ZNF18: variants seen among roughly 807,000 people sequenced by gnomAD.
The protein encoded by ZNF18 is heart development-specific gene 1 protein.
ZNF18 carries 42 observed loss-of-function variants against 58.1 expected under a neutral mutation model. That is an observed-to-expected ratio of 0.72 (90% CI 0.56 to 0.93). ZNF18 has a LOEUF of 0.93. Ranked by LOEUF, ZNF18 falls within the 40% of genes least tolerant of loss-of-function variation. The pLI is 0.00. For synonymous variants in ZNF18, 231 were observed against 239.8 expected, an observed-to-expected ratio of 0.96 and a Z score of 0.34; for missense variants, 540 against 644.2, an observed-to-expected ratio of 0.84 and a Z score of 1.75.
the ZNF18 span, chr17:12,021,292 C>T: frequency 1.4e-5 from 3 of 211,796 alleles, no homozygotes; most frequent in East Asian, 9.8e-5. Context: ...GGACCGCCCC[C>T]GCGGCCGTCC....
At chr17:12,014,979 C>CAG in the ZNF18 span, among the ~76,000 whole-genome samples, 1 of 151,896 alleles carries the variant, frequency 6.6e-6, no homozygotes, top group Non-Finnish European at 1.5e-5. Context: ...ACCCGGAAGG[C>CAG]AGAGCTTGCA....
chr17:12,021,166 C>T, the ZNF18 span, among the ~76,000 whole-genome samples: 1 of 151,644 alleles, frequency 6.6e-6, no homozygotes, highest in African/African-American at 2.4e-5. Context: ...CGGCCGCCTC[C>T]GGCCCGGCTT....
chr17:12,020,912 G>C, the ZNF18 span: 2 of 1,217,202 alleles, frequency 1.6e-6, no homozygotes. Flanking sequence ...CCGAGCGGCG[G>C]CGGCGGCTCC....
chr17:11,984,115 C>T lies in ZNF18; in HGVS notation c.749G>A (p.Gly250Glu), dbSNP rs756229785. ...ATCAGACTAACCCACACCCTCACCT[C>T]CTGAGACCATTTTCCCATAGGTCTC... ...MLETYGKMVS[G>E]AGISHPKSDL... is the part of the protein sequence containing the mutation. Residue 250 changes from glycine to glutamate, a missense_variant and splice_region_variant, in exon 5 of 7, where the codon GGA becomes GAA. Physicochemically the swap from Gly to Glu is moderately conservative, Grantham distance 98 (BLOSUM62 -2). Coordinates refer to ENST00000580306, the MANE Select transcript of ZNF18 (RefSeq NM_001303281.2). 3 of 1,612,828 alleles carry T rather than the reference C, an allele frequency of 1.9e-6. No homozygotes were observed. The African/African-American group carries it at 4.0e-5, about 22-fold the overall frequency.
chr17:12,000,461 C>T (rs769252513), upstream of ZNF18, among the ~76,000 whole-genome samples: 2 of 152,106 alleles, frequency 1.3e-5, no homozygotes, highest in Non-Finnish European at 2.9e-5. Context: ...GTAATCCTAG[C>T]ACTTTGGGAG....
At chr17:12,001,534 T>C (rs962707463), upstream of ZNF18, among the ~76,000 whole-genome samples, 4 of 151,798 alleles carry the variant, frequency 2.6e-5, no homozygotes, top group African/African-American at 9.7e-5. Flanking sequence ...GAGGCTGAGG[T>C]AGGAGAATGG....
chr17:11,998,152 A>AT (rs1429868866), upstream of ZNF18, among the ~76,000 whole-genome samples: 1 of 151,436 alleles, frequency 6.6e-6, no homozygotes, highest in Non-Finnish European at 1.5e-5. Context: ...ATTTGACCTC[A>AT]TTGTCTCTCA....
chr17:12,012,347 T>G, the ZNF18 span, among the ~76,000 whole-genome samples: 1 of 152,234 alleles, frequency 6.6e-6, no homozygotes, highest in African/African-American at 2.4e-5. Context: ...ATTCGCTCCA[T>G]GTTTATTCAG....
chr17:12,006,679 A>T, the ZNF18 span, among the ~76,000 whole-genome samples: 1 of 152,132 alleles, frequency 6.6e-6, no homozygotes, highest in Non-Finnish European at 1.5e-5. Flanking sequence ...TAAGCCTTGG[A>T]GGTTGAGGTT....
chr17:11,990,221 C>T (rs1310690442), intron 4 of ZNF18, among the ~76,000 whole-genome samples: 5 of 151,882 alleles, frequency 3.3e-5, no homozygotes. Context: ...TGAGAATACA[C>T]TGAAATAAGC....
the ZNF18 span, chr17:12,021,012 C>T: frequency 1.7e-6 from 2 of 1,203,096 alleles, no homozygotes; most frequent in South Asian, 4.2e-5. Flanking sequence ...GTAAGGAACG[C>T]GGCCGCGCCG....
At chr17:12,011,693 T>G in the ZNF18 span, among the ~76,000 whole-genome samples, 1 of 124,422 alleles carries the variant, frequency 8.0e-6, no homozygotes. Flanking sequence ...CAAATGTTCT[T>G]AATTTTTTTT....
At chr17:11,999,857 C>T (rs571695869), upstream of ZNF18, among the ~76,000 whole-genome samples, 74 of 152,088 alleles carry the variant, frequency 4.9e-4, no homozygotes, top group Non-Finnish European at 9.4e-4. Context: ...GAATCCAGAC[C>T]GGAAGTTAAT....
chr17:12,021,047 A>G, the ZNF18 span: 1 of 1,134,692 alleles, frequency 8.8e-7, no homozygotes, highest in Middle Eastern at 3.4e-4. Context: ...TAGCGCGGCA[A>G]CCCGCGTCGT....
chr17:11,984,236 T>C (rs768174251), intron 4 of ZNF18, 39 bp from the exon 5 acceptor site: 1 of 1,564,496 alleles, frequency 6.4e-7, no homozygotes, highest in South Asian at 1.2e-5. Flanking sequence ...ATACCATGAC[T>C]CCAATGAAGG....
In ZNF18 at chr17:11,977,543, T is replaced by A. The variant is rs1967073954; in HGVS notation, c.*414A>T. 6.1e-6 allele frequency: 1 copy of A among 163,552 alleles called. No homozygotes were observed. The highest frequency in any genetic ancestry group is 1.3e-5 in the Non-Finnish European group (1 of 75,236). The allele number at this position is 163,552 out of a possible 1,614,324, so 10.1% of individuals were successfully genotyped here. A position where few individuals can be genotyped will look rare whatever the true frequency, so the allele number is the denominator to read the frequency against. On this transcript the variant is annotated 3_prime_UTR_variant, in exon 7 of 7. Coordinates refer to ENST00000580306, the MANE Select transcript of ZNF18 (RefSeq NM_001303281.2). ...CACACGTGAGCTCACAGGCCCTCTA[T>A]GCTTCTCCCCTTCTGGAACAGAAGA...
At chr17:11,983,468 G>T in intron 5 of ZNF18, 61 bp from the exon 6 acceptor site, 1 of 1,378,854 alleles carries the variant, frequency 7.3e-7, no homozygotes, top group Non-Finnish European at 1.0e-6. Flanking sequence ...AGCTCAAGCT[G>T]TGTCTTTCAA....
At chr17:11,989,428 A>T (rs1182814493) in intron 4 of ZNF18, among the ~76,000 whole-genome samples, 3 of 152,242 alleles carry the variant, frequency 2.0e-5, no homozygotes, top group African/African-American at 7.2e-5. Flanking sequence ...GAACCAATGC[A>T]GGTAGTAATC....
rs1445229917 is a variant in ZNF18 at position 11,984,962 on chromosome 17, G to C, written c.667-765C>G. On this transcript the variant is annotated intron_variant, in intron 4 of 6. Transcript: ENST00000580306. ...AGTTAAAAAGGAATCTGTTGGAAAA[G>C]CAAGTGCGAATCAGTAAGATGTAGT... Among the ~76,000 whole-genome samples, 4 of 152,308 alleles carry C rather than the reference G, an allele frequency of 2.6e-5. No individual in the cohort carries two copies. The East Asian group carries it at 7.7e-4, about 29-fold the overall frequency.
Sources: gnomAD v4.1 joint callset for allele counts (sites outside exome capture counted in the v4.1 genomes callset) on GRCh38, gnomAD v4.1.1 for gene constraint, MANE v1.5 for transcripts, NCBI Gene and HGNC (gene_info 2026-07-23, HGNC 2026-07-21) for gene names.